Variants in PIAS1 observed in about 807,000 individuals in gnomAD.
The protein encoded by PIAS1 is E3 SUMO-protein ligase PIAS1.
In PIAS1, 6 loss-of-function variants were observed where a neutral mutation model predicts 71.3. The ratio of observed to expected loss-of-function variants is 0.08; its 90% confidence interval spans 0.05 to 0.17. The LOEUF (loss-of-function observed/expected upper bound fraction) is 0.17. PIAS1 is among the 10% of genes least tolerant of loss of function. PIAS1 has a pLI of 1.00. For synonymous variants in PIAS1, 303 were observed against 292.9 expected, an observed-to-expected ratio of 1.03 and a Z score of -0.35; for missense variants, 555 against 793.6, an observed-to-expected ratio of 0.70 and a Z score of 3.61.
chr15:68,094,180 T>C (rs1197071491), intron 2 of PIAS1, among the ~76,000 whole-genome samples: 1 of 151,834 alleles, frequency 6.6e-6, no homozygotes, highest in Admixed American at 6.6e-5. Context: ...GTACAGTTGT[T>C]CTTACTTGAC....
chr15:68,119,205 G>A lies in PIAS1; in HGVS notation c.470-22741G>A, dbSNP rs1233244203. On this transcript the variant is annotated intron_variant, in intron 2 of 13. Coordinates refer to ENST00000249636, the MANE Select transcript of PIAS1 (RefSeq NM_016166.3). Reference sequence around the variant, plus strand: ...ACTTGAGGTCAGGAGTTTGAGACCAGCCTGGCCAACATGGTGAAACCCCAT... The same window carrying A: ...ACTTGAGGTCAGGAGTTTGAGACCAACCTGGCCAACATGGTGAAACCCCAT... Among the ~76,000 whole-genome samples, 34 of 112,196 alleles carry A rather than the reference G, an allele frequency of 3.0e-4. 1 individual carries two copies. Among genetic ancestry groups the A allele is most frequent in the African/African-American group, 1.0e-3 (31 of 29,684 alleles). 73.6% of individuals were successfully genotyped at this position (112,196 alleles called of 152,430 possible). A position where few individuals can be genotyped will look rare whatever the true frequency, so the allele number is the denominator to read the frequency against.
chr15:68,063,245 T>G (rs1211552048), intron 1 of PIAS1, among the ~76,000 whole-genome samples: 1 of 152,212 alleles, frequency 6.6e-6, no homozygotes, highest in Non-Finnish European at 1.5e-5. Context: ...TTAAAAAAGC[T>G]CATGGCATAG....
At chr15:68,126,474 T>G (rs1445090701) in intron 2 of PIAS1, among the ~76,000 whole-genome samples, 1 of 152,156 alleles carries the variant, frequency 6.6e-6, no homozygotes, top group Non-Finnish European at 1.5e-5. Context: ...GAGACAAGGC[T>G]GGCTCTCACC....
chr15:68,141,129 A>AG (rs1209253003), intron 2 of PIAS1, among the ~76,000 whole-genome samples: 2 of 152,110 alleles, frequency 1.3e-5, no homozygotes, highest in African/African-American at 4.8e-5. Flanking sequence ...CTTTGAGCCC[A>AG]GGGGTTTGAG....
chr15:68,095,231 A>G (rs1008976875), intron 2 of PIAS1, among the ~76,000 whole-genome samples: 1 of 152,204 alleles, frequency 6.6e-6, no homozygotes. Context: ...TTTAAAGATC[A>G]GACATCTAGT....
Position 68,086,109 on chromosome 15 carries a change from T to C in PIAS1, c.25-197T>C, listed in dbSNP as rs2092279263. On this transcript the variant is annotated intron_variant, in intron 1 of 13. Coordinates refer to ENST00000249636, the MANE Select transcript of PIAS1 (RefSeq NM_016166.3). The surrounding 1 kb of genome is among the most constrained non-coding windows in gnomAD (Gnocchi z 7.2). ...CCAAGGGTAGAAGTCAATGAATTTA[T>C]GAATATTAATTTTAAATTTCTTTGG... 6.6e-6 allele frequency among the ~76,000 whole-genome samples: 1 copy of C among 152,220 alleles called. No individual in the cohort carries two copies. Among genetic ancestry groups the C allele is most frequent in the South Asian group, 2.1e-4 (1 of 4,836 alleles).
chr15:68,079,154 A>G (rs2140974607), intron 1 of PIAS1, among the ~76,000 whole-genome samples: 1 of 152,118 alleles, frequency 6.6e-6, no homozygotes, highest in Middle Eastern at 3.4e-3. Flanking sequence ...CAGTACCATT[A>G]TATTGTATTG....
At chr15:68,135,496 A>C (rs868467844) in intron 2 of PIAS1, among the ~76,000 whole-genome samples, 1 of 12,912 alleles carries the variant, frequency 7.7e-5, no homozygotes, top group Admixed American at 6.1e-4. Context: ...GGGGGGGCTA[A>C]CCCCCCCCAC....
chr15:68,156,755 G>A (rs1457725079), intron 7 of PIAS1, among the ~76,000 whole-genome samples: 1 of 150,094 alleles, frequency 6.7e-6, no homozygotes, highest in East Asian at 1.9e-4. Context: ...GCGCCAAGAA[G>A]GAGGGTGACC....
At chr15:68,172,276 G>GTA (rs1486420845) in intron 8 of PIAS1, among the ~76,000 whole-genome samples, 2 of 152,104 alleles carry the variant, frequency 1.3e-5, no homozygotes, top group African/African-American at 4.8e-5. Flanking sequence ...GTATTCCATG[G>GTA]TATATATGTG....
chr15:68,054,730 G>A lies in PIAS1; in HGVS notation c.24+380G>A, dbSNP rs1398607999. The A allele has an allele frequency of 5.7e-6, 1 of 175,724 alleles. No homozygotes were observed. The highest frequency in any genetic ancestry group is 1.2e-5 in the Non-Finnish European group (1 of 83,750). The allele number at this position is 175,724 out of a possible 1,614,324, so 10.9% of individuals were successfully genotyped here. The stretch of plus-strand genomic sequence containing the variant: ...GGGCTGGGGGCAGGGTGCTCTCGTA[G>A]GGGGGATTGGGAAAGCTCCCCGTGG... On this transcript the variant is annotated intron_variant, in intron 1 of 13. Coordinates refer to ENST00000249636, the MANE Select transcript of PIAS1 (RefSeq NM_016166.3). This position sits in a 1 kb window ranked among gnomAD's most constrained non-coding sequence, Gnocchi z 4.6.
rs544237214 is a variant in PIAS1, at chr15:68,070,329, A to G, written c.25-15977A>G. Among the ~76,000 whole-genome samples the G allele has an allele frequency of 1.5e-3, 227 of 152,358 alleles. 1 individual carries two copies. The highest frequency in any genetic ancestry group is 5.1e-3 in the African/African-American group (210 of 41,584). ...ATGAATTAGAGATCTTTGTGAATTG[A>G]ATTCTTGAAATGAAGCAAGTAAGAA... On this transcript the variant is annotated intron_variant, in intron 1 of 13. Coordinates refer to ENST00000249636, the MANE Select transcript of PIAS1 (RefSeq NM_016166.3).
intron 7 of PIAS1, among the ~76,000 whole-genome samples, chr15:68,156,094 G>T (rs1191788149): frequency 6.6e-6 from 1 of 152,154 alleles, no homozygotes; most frequent in Non-Finnish European, 1.5e-5. Flanking sequence ...AAGAAATTGT[G>T]TTAAGAGTCT....
In PIAS1 at chr15:68,171,415, A is replaced by G. The variant is rs1364493203; in HGVS notation, c.1009-2317A>G. ...AGTATAGTAAATACAGAAACCAGTA[A>G]CATGGCTGTCTTAATTTGAAGACCT... On this transcript the variant is annotated intron_variant, in intron 8 of 13. Transcript: ENST00000249636. This position sits in a 1 kb window ranked among gnomAD's most constrained non-coding sequence, Gnocchi z 4.4. Among the ~76,000 whole-genome samples, 2 of 152,230 alleles carry G rather than the reference A, an allele frequency of 1.3e-5. No homozygotes were observed. Among genetic ancestry groups the G allele is most frequent in the Admixed American group, 1.3e-4 (2 of 15,284 alleles).
chr15:68,189,609 GAAAAA>G lies in PIAS1; in HGVS notation c.*1780_*1784del, dbSNP rs375266651. On this transcript the variant is annotated 3_prime_UTR_variant, in exon 14 of 14. Coordinates refer to ENST00000249636, the MANE Select transcript of PIAS1 (RefSeq NM_016166.3). ...ACTAAATTGTTGACTTGAATTTTGG[GAAAAA>G]AAAAAGTTGGTGTTGATATGTATAT... is the stretch of plus-strand genomic sequence containing the variant. 1 of 148,518 alleles carries G rather than the reference GAAAAA, an allele frequency of 6.7e-6. No individual in the cohort carries two copies. The highest frequency in any genetic ancestry group is 2.1e-4 in the South Asian group (1 of 4,716). The allele number at this position is 148,518 out of a possible 1,614,324, so 9.2% of individuals were successfully genotyped here.
At chr15:68,108,929 T>A (rs976636889) in intron 2 of PIAS1, among the ~76,000 whole-genome samples, 3 of 152,234 alleles carry the variant, frequency 2.0e-5, no homozygotes, top group African/African-American at 7.2e-5. Context: ...TCTCTGTGCC[T>A]ACCTTTGTTC....
chr15:68,164,855 CT>C, intron 8 of PIAS1, 51 bp downstream of exon 8: 1 of 953,792 alleles, frequency 1.0e-6, no homozygotes, highest in Non-Finnish European at 1.6e-6. Flanking sequence ...TACATTTTCT[CT>C]TTTTATTAAG....
chr15:68,133,234 C>T (rs1239361264), intron 2 of PIAS1, among the ~76,000 whole-genome samples: 1 of 151,940 alleles, frequency 6.6e-6, no homozygotes, highest in Non-Finnish European at 1.5e-5. Context: ...TTAATGGGAA[C>T]AGTGTAACTA....
chr15:68,066,845 A>T (rs930592076), intron 1 of PIAS1, among the ~76,000 whole-genome samples: 7 of 152,206 alleles, frequency 4.6e-5, no homozygotes, highest in African/African-American at 1.7e-4. Context: ...ATCAGGGAAA[A>T]GAACATGAAT....
Sources: gnomAD v4.1 joint callset for allele counts (sites outside exome capture counted in the v4.1 genomes callset) on GRCh38, gnomAD v4.1.1 for gene constraint, Gnocchi (gnomAD v3.1) non-coding constraint, MANE v1.5 for transcripts, NCBI Gene and HGNC (gene_info 2026-07-23, HGNC 2026-07-21) for gene names.